Variants in SPAG17 observed in about 807,000 individuals in gnomAD.
The protein encoded by SPAG17 is sperm-associated antigen 17.
In SPAG17, 169 loss-of-function variants were observed where a neutral mutation model predicts 273.6. The ratio of observed to expected loss-of-function variants is 0.62; its 90% CI spans 0.55 to 0.70. SPAG17 has a LOEUF of 0.70. Among genes scored for constraint, SPAG17 ranks in the 30% least tolerant of loss-of-function variants. The probability of loss-of-function intolerance (pLI) is 0.00; values close to 1 mark genes in which losing one functional copy is unlikely to be tolerated. For synonymous variants in SPAG17, 825 were observed against 873.2 expected, an observed-to-expected ratio of 0.94 and a Z score of 0.97; for missense variants, 2,557 against 2,627.8, an observed-to-expected ratio of 0.97 and a Z score of 0.59.
At chr1:118,044,814 G>C (rs1015512916) in intron 20 of SPAG17, among the ~76,000 whole-genome samples, 1 of 152,138 alleles carries the variant, frequency 6.6e-6, no homozygotes, top group Non-Finnish European at 1.5e-5. Context: ...CATGGAGGAT[G>C]TGCCTGCCTC....
At chr1:118,003,822 C>A (rs1340812455) in intron 32 of SPAG17, among the ~76,000 whole-genome samples, 1 of 152,200 alleles carries the variant, frequency 6.6e-6, no homozygotes, top group Non-Finnish European at 1.5e-5. Context: ...TCTGTCAACT[C>A]ATCAAAGTCA....
chr1:118,013,680 G>A (rs1310378476), intron 29 of SPAG17, among the ~76,000 whole-genome samples: 3 of 151,974 alleles, frequency 2.0e-5, no homozygotes, highest in African/African-American at 7.3e-5. Context: ...TATTGATAGC[G>A]GTTTTTTATC....
In SPAG17 at chr1:118,025,044, CAA is replaced by C. The variant is rs1194703964; in HGVS notation, c.3909+192_3909+193del. Reference sequence around the variant, plus strand: ...AATCTTACATCATGCAGAGAAATGACAAGTTTATTTGTATCCTGCTCTGCATA... The same window carrying C: ...AATCTTACATCATGCAGAGAAATGACGTTTATTTGTATCCTGCTCTGCATA... On this transcript the variant is annotated intron_variant, in intron 27 of 48. Transcript: ENST00000336338. 2.6e-5 allele frequency among the ~76,000 whole-genome samples: 4 copies of C among 152,210 alleles called. No homozygotes were observed. The East Asian group carries it at 7.7e-4, about 29-fold the overall frequency.
At chr1:118,030,520 C>G (rs756197379) in intron 25 of SPAG17, among the ~76,000 whole-genome samples, 2 of 151,934 alleles carry the variant, frequency 1.3e-5, no homozygotes, top group Non-Finnish European at 2.9e-5. Flanking sequence ...GTTTGCTGCA[C>G]CTATCAAGCC....
chr1:118,097,846 C>T lies in SPAG17; in HGVS notation c.835G>A (p.Glu279Lys). 2 of 1,576,494 alleles carry T rather than the reference C, an allele frequency of 1.3e-6. No individual in the cohort carries two copies. Among genetic ancestry groups the T allele is most frequent in the Non-Finnish European group, 1.7e-6 (2 of 1,165,094 alleles). ...QEVLLQSEDL[E>K]AEKLKKENAI... ...TTTTCTTTCTTCAATTTTTCTGCTT[C>T]TAGATCTAATAATAGCAACATGTTT... Residue 279 changes from glutamate (E) to lysine (K), a missense_variant, in exon 7 of 49, where the codon GAA (glutamate) becomes AAA (lysine). Coordinates refer to ENST00000336338, the MANE Select transcript of SPAG17 (RefSeq NM_206996.4).
rs1293317977 is a variant in SPAG17 at position 118,040,790 on chromosome 1, A to G, written c.3106T>C (p.Tyr1036His). ...CCCCCATCAGAAGGATACAGGTAGT[A>G]ATTTGACCCTGAGATTTGAGTGGGT... ...NIPTQISGSN[Y>H]YLYPSDGGQI... The change falls in exon 22 of 49, where the codon TAC becomes CAC. Residue 1036 changes from tyrosine (Y) to histidine (H), a missense_variant. Transcript: ENST00000336338. 6 of 1,604,768 alleles carry G rather than the reference A, an allele frequency of 3.7e-6. No homozygotes were observed. The highest frequency in any genetic ancestry group is 5.1e-6 in the Non-Finnish European group (6 of 1,171,372).
intron 26 of SPAG17, among the ~76,000 whole-genome samples, chr1:118,027,876 C>T (rs1647938620): frequency 6.6e-6 from 1 of 152,178 alleles, no homozygotes; most frequent in East Asian, 1.9e-4. Context: ...AGACCAGCAA[C>T]ATGCTGCACC....
rs200256261 is a variant in SPAG17, at chr1:118,091,611, C to G, written c.1354G>C (p.Glu452Gln). Residue 452 changes from glutamate (E) to glutamine (Q), a missense_variant, in exon 10 of 49, where the codon GAA (glutamate) becomes CAA (glutamine). By Grantham distance (29) the Glu-to-Gln change is conservative. Coordinates refer to ENST00000336338, the MANE Select transcript of SPAG17 (RefSeq NM_206996.4). ...SVPLILHCML[E>Q]QVVATEEDLV... ...CTGGGAAAAAGCCTCCCCACCTGTTCCAGCATACAATGCAGTATCAGGGGC... is the reference window on the plus strand; with the variant it reads ...CTGGGAAAAAGCCTCCCCACCTGTTGCAGCATACAATGCAGTATCAGGGGC... 3.8e-6 allele frequency: 6 copies of G among 1,595,072 alleles called. No individual in the cohort carries two copies. The East Asian group carries it at 1.3e-4, about 36-fold the overall frequency.
intron 20 of SPAG17, among the ~76,000 whole-genome samples, chr1:118,049,911 G>C (rs902328892): frequency 6.6e-6 from 1 of 152,154 alleles, no homozygotes; most frequent in Non-Finnish European, 1.5e-5. Context: ...AGGGAAGGAG[G>C]CATCTCCCAA....
At chr1:118,057,873 T>A (rs1651870041) in intron 18 of SPAG17, among the ~76,000 whole-genome samples, 2 of 151,556 alleles carry the variant, frequency 1.3e-5, no homozygotes, top group Non-Finnish European at 2.9e-5. Flanking sequence ...ATATTAATAC[T>A]CATTAACTCC....
chr1:117,971,112 T>G (rs760123968), intron 45 of SPAG17, among the ~76,000 whole-genome samples: 1 of 152,206 alleles, frequency 6.6e-6, no homozygotes, highest in Non-Finnish European at 1.5e-5. Flanking sequence ...TTGAAGGACT[T>G]ACCACTCAAC....
chr1:118,062,236 G>A (rs1215298224), intron 18 of SPAG17, among the ~76,000 whole-genome samples: 16 of 150,788 alleles, frequency 1.1e-4, no homozygotes, highest in African/African-American at 2.2e-4. Context: ...GCGTAGTGGC[G>A]GGCGCCTGTA....
At chr1:118,082,289 G>C (rs17037867) in intron 13 of SPAG17, among the ~76,000 whole-genome samples, 9,328 of 152,248 alleles carry the variant, frequency 0.061, 451 homozygotes, top group East Asian at 0.27. Context: ...TCAAGATTTG[G>C]CTCTTACACT....
At chr1:118,144,982 C>T (rs960747727) in intron 3 of SPAG17, among the ~76,000 whole-genome samples, 2 of 152,140 alleles carry the variant, frequency 1.3e-5, no homozygotes, top group African/African-American at 2.4e-5. Flanking sequence ...TATGAAATAA[C>T]GGCATTAGGT....
rs763632555 is a variant in SPAG17, at chr1:118,031,799, C to G, written c.3502G>C (p.Val1168Leu). ...PSALTPTVVP[V>L]IVTVPQSKAK... is the part of the protein sequence containing the mutation. The stretch of plus-strand genomic sequence containing the variant: ...TTGCTTTGAGGAACGGTCACTATAA[C>G]AGGAACCACTGTTGGAGTGAGTGCT... The change falls in exon 25 of 49, where the codon GTT becomes CTT. Residue 1168 changes from valine (V) to leucine (L), a missense_variant. Coordinates refer to ENST00000336338, the MANE Select transcript of SPAG17 (RefSeq NM_206996.4). The G allele has an allele frequency of 2.5e-5, 40 of 1,613,622 alleles. 1 individual carries two copies. In the South Asian group the frequency reaches 4.2e-4, roughly 17 times the overall value.
intron 43 of SPAG17, among the ~76,000 whole-genome samples, chr1:117,978,929 G>A (rs567167349): frequency 1.5e-3 from 232 of 150,740 alleles, no homozygotes; most frequent in African/African-American, 5.3e-3. Context: ...GTGCAATGGC[G>A]TGATCTCAGC....
chr1:118,068,757 ATTTTCCTC>A (rs1653248469), intron 17 of SPAG17, among the ~76,000 whole-genome samples: 2 of 152,130 alleles, frequency 1.3e-5, no homozygotes, highest in Non-Finnish European at 2.9e-5. Context: ...AATAGATAAG[ATTTTCCTC>A]TAAAATATGA....
At position 118,097,775 on chromosome 1, in the gene SPAG17, G is replaced by A. The variant is rs767647822; in HGVS notation, c.906C>T (p.Val302=). The A allele has an allele frequency of 1.1e-5, 17 of 1,609,540 alleles. No homozygotes were observed. In the African/African-American group the frequency reaches 1.3e-4, roughly 13 times the overall value. ...LKTFWKYLEP[V]LNNEKPETNL... ...TTGTTTCAGGTTTCTCATTATTCAG[G>A]ACTGGTTCCAAGTACTTCCAGAAAG... Residue 302 remains valine (V), a synonymous_variant, in exon 7 of 49, where the codon GTC becomes GTT. Coordinates refer to ENST00000336338, the MANE Select transcript of SPAG17 (RefSeq NM_206996.4).
chr1:118,148,229 G>C (rs1659155754), intron 3 of SPAG17, among the ~76,000 whole-genome samples: 1 of 152,184 alleles, frequency 6.6e-6, no homozygotes, highest in Non-Finnish European at 1.5e-5. Flanking sequence ...GTCTGGAGTT[G>C]ATTCCTTCCA....
Sources: gnomAD v4.1 joint callset for allele counts (sites outside exome capture counted in the v4.1 genomes callset) on GRCh38, gnomAD v4.1.1 for gene constraint, MANE v1.5 for transcripts, NCBI Gene and HGNC (gene_info 2026-07-23, HGNC 2026-07-21) for gene names.